TMEM237: variants seen among roughly 807,000 people sequenced by gnomAD.
The protein encoded by TMEM237 is transmembrane protein 237.
Under a neutral mutation model 59.1 loss-of-function variants are expected in TMEM237, and 51 were observed. The observed-to-expected ratio is 0.86, with a 90% CI of 0.69 to 1.09. The LOEUF is 1.09. Ranked by LOEUF, TMEM237 falls within the 50% of genes least tolerant of loss-of-function variation. TMEM237 has a pLI of 0.00. For synonymous variants in TMEM237, 140 were observed against 166.1 expected (o/e 0.84, Z 1.21); for missense variants, 475 against 478.3 (o/e 0.99, Z 0.06).
chr2:201,629,526 A>C (rs1957789987), intron 8 of TMEM237, 105 bp from the exon 9 acceptor site: 2 of 1,350,358 alleles, frequency 1.5e-6, no homozygotes, highest in Admixed American at 6.6e-5. Flanking sequence ...ACATTTCATG[A>C]CAAGTAAAAG....
intron 4 of TMEM237, among the ~76,000 whole-genome samples, chr2:201,637,339 A>G (rs1342992364): frequency 6.6e-6 from 1 of 152,228 alleles, no homozygotes; most frequent in Non-Finnish European, 1.5e-5. Context: ...GTAATTTATA[A>G]GTCTCTTCAT....
intron 5 of TMEM237, chr2:201,636,228 G>C (rs898699304): frequency 5.9e-5 from 9 of 152,238 alleles, no homozygotes; most frequent in African/African-American, 2.2e-4. Context: ...AATCCAGACA[G>C]GCTGTATCTA....
intron 9 of TMEM237, 23 bp downstream of exon 9, chr2:201,629,207 A>C (rs1957786061): frequency 6.8e-7 from 1 of 1,473,398 alleles, no homozygotes; most frequent in African/African-American, 1.4e-5. Context: ...GAAGTTAGAC[A>C]GATCTGGAGT....
Position 201,629,811 on chromosome 2 carries a change from T to C in TMEM237, c.595A>G (p.Thr199Ala). Residue 199 changes from threonine to alanine, a missense_variant, in exon 8 of 13, where the codon ACA (threonine) becomes GCA (alanine). Coordinates refer to ENST00000409883, the MANE Select transcript of TMEM237 (RefSeq NM_001044385.3). ...AADRSELIKT[T>A]ENIDVSMDVK... ...TCCATTGACACATCTATGTTTTCTG[T>C]GGTCTTTATCAACTCTGAACGATCA... is the stretch of plus-strand genomic sequence containing the variant. 6.2e-7 allele frequency: 1 copy of C among 1,613,574 alleles called. No homozygotes were observed. Among genetic ancestry groups the C allele is most frequent in the Non-Finnish European group, 8.5e-7 (1 of 1,179,806 alleles).
At chr2:201,642,499 C>G (rs1687444952) in intron 1 of TMEM237, 2 of 1,296,240 alleles carry the variant, frequency 1.5e-6, no homozygotes, top group Non-Finnish European at 2.1e-6. Flanking sequence ...AAAAGTCCCG[C>G]AAAAATGACG....
chr2:201,623,275 T>C lies in TMEM237; in HGVS notation c.*980A>G, dbSNP rs904935289. 2.4e-6 allele frequency: 1 copy of C among 416,402 alleles called. No individual in the cohort carries two copies. The highest frequency in any genetic ancestry group is 4.9e-6 in the Non-Finnish European group (1 of 206,008). 25.8% of individuals were successfully genotyped at this position (416,402 alleles called of 1,614,324 possible). Reference sequence around the variant, plus strand: ...GAAACATTTTTTCCCATAGCTAGTCTTCTCCTCAACTTGAGCTTTAGGGTC... The same window carrying C: ...GAAACATTTTTTCCCATAGCTAGTCCTCTCCTCAACTTGAGCTTTAGGGTC... On this transcript the variant is annotated 3_prime_UTR_variant, in exon 13 of 13. Coordinates refer to ENST00000409883, the MANE Select transcript of TMEM237 (RefSeq NM_001044385.3).
chr2:201,627,260 A>G, intron 11 of TMEM237, 61 bp downstream of exon 11: 1 of 1,190,276 alleles, frequency 8.4e-7, no homozygotes, highest in Non-Finnish European at 1.2e-6. Flanking sequence ...AAAGAATGGA[A>G]GGATAAGAAA....
intron 12 of TMEM237, 77 bp downstream of exon 12, chr2:201,625,949 T>C (rs1182959482): frequency 2.2e-6 from 3 of 1,362,964 alleles, no homozygotes; most frequent in Admixed American, 4.6e-5. Flanking sequence ...TTATAAGCTA[T>C]ACCTATTAAA....
chr2:201,628,124 C>T lies in TMEM237; in HGVS notation c.895G>A (p.Ala299Thr). ...DRIDFAKISV[A>T]IRNFLALDPT... ...TCCAGGGCCAAAAAATTTCGGATTG[C>T]TACTGATATTTTAGCAAAGTCAATC... The change falls in exon 10 of 13, where the codon GCA becomes ACA. Residue 299 changes from alanine (A) to threonine (T), a missense_variant. By Grantham distance (58) the Ala-to-Thr change is moderately conservative (BLOSUM62 0). Transcript: ENST00000409883. 1.9e-6 allele frequency: 3 copies of T among 1,606,728 alleles called. No homozygotes were observed. Among genetic ancestry groups the T allele is most frequent in the Non-Finnish European group, 2.6e-6 (3 of 1,176,424 alleles).
Position 201,629,747 on chromosome 2 carries a change from G to A in TMEM237, c.659C>T (p.Thr220Ile). Reference protein sequence around the residue: ...PSWTTRDVALTVHRAFRMIGL... With the variant: ...PSWTTRDVALIVHRAFRMIGL... The stretch of plus-strand genomic sequence containing the variant: ...CAGCCACCTGAAAGCCCGGTGCACT[G>A]TAAGTGCCACATCTCTGGTGGTCCA... Residue 220 changes from threonine to isoleucine, a missense_variant, in exon 8 of 13, where the codon ACA (threonine) becomes ATA (isoleucine). Coordinates refer to ENST00000409883, the MANE Select transcript of TMEM237 (RefSeq NM_001044385.3). 6.2e-7 allele frequency: 1 copy of A among 1,612,232 alleles called. No individual in the cohort carries two copies. Among genetic ancestry groups the A allele is most frequent in the Non-Finnish European group, 8.5e-7 (1 of 1,179,492 alleles).
chr2:201,625,522 G>C (rs1208827474), intron 12 of TMEM237, among the ~76,000 whole-genome samples: 1 of 152,134 alleles, frequency 6.6e-6, no homozygotes, highest in African/African-American at 2.4e-5. Context: ...GTTCCAAAAG[G>C]GGTCTGGGGA....
At position 201,623,068 on chromosome 2, in the gene TMEM237, C is replaced by G. The variant is rs1257739736; in HGVS notation, c.*1187G>C. The G allele has an allele frequency of 5.8e-6, 1 of 171,856 alleles. No homozygotes were observed. The highest frequency in any genetic ancestry group is 1.5e-4 in the East Asian group (1 of 6,550). The allele number at this position is 171,856 out of a possible 1,614,324, so 10.6% of individuals were successfully genotyped here. Reference sequence around the variant, plus strand: ...GACAGCAGGGAGAATCCCTTTTCGGCAGCTCCAGCCTTACAAACAGCAAAA... The same window carrying G: ...GACAGCAGGGAGAATCCCTTTTCGGGAGCTCCAGCCTTACAAACAGCAAAA... On this transcript the variant is annotated 3_prime_UTR_variant, in exon 13 of 13. Coordinates refer to ENST00000409883, the MANE Select transcript of TMEM237 (RefSeq NM_001044385.3).
chr2:201,642,892 A>G lies in TMEM237; in HGVS notation c.42+467T>C, dbSNP rs530162240. On this transcript the variant is annotated intron_variant, in intron 1 of 12. Transcript: ENST00000409883. ...GAAATCTGGCGACCGTGGCGCTGCA[A>G]TCACAGCTTTCCCGTGGTTTCCTAA... 5.2e-6 allele frequency: 7 copies of G among 1,340,372 alleles called. No individual in the cohort carries two copies. In the African/African-American group the frequency reaches 6.2e-5, roughly 12 times the overall value. 83.0% of individuals were successfully genotyped at this position (1,340,372 alleles called of 1,614,324 possible). A position where few individuals can be genotyped will look rare whatever the true frequency, so the allele number is the denominator to read the frequency against.
In TMEM237 at chr2:201,643,274, G is replaced by GGCCCCCCCCCCC; in HGVS notation, c.42+84_42+85insGGGGGGGGGGGC. ...CCTTAGTGATTCCCAGCTCGTTGGC[G>GGCCCCCCCCCCC]CCCCCCCACACACACCCACCCCCAC... is the stretch of plus-strand genomic sequence containing the variant. On this transcript the variant is annotated intron_variant, in intron 1 of 12. Transcript: ENST00000409883. The surrounding 1 kb of genome is among the most constrained non-coding windows in gnomAD (Gnocchi z 4.3). The GGCCCCCCCCCCC allele has an allele frequency of 8.3e-7, 1 of 1,206,752 alleles. No homozygotes were observed. The highest frequency in any genetic ancestry group is 2.8e-5 in the East Asian group (1 of 35,372). 74.8% of individuals were successfully genotyped at this position (1,206,752 alleles called of 1,614,324 possible). A position where few individuals can be genotyped will look rare whatever the true frequency, so the allele number is the denominator to read the frequency against.
chr2:201,631,783 GA>G, intron 7 of TMEM237, among the ~76,000 whole-genome samples: 1 of 152,086 alleles, frequency 6.6e-6, no homozygotes, highest in Non-Finnish European at 1.5e-5. Flanking sequence ...TCCATAAAAT[GA>G]AAAATTCTCC....
In TMEM237 at chr2:201,632,142, A is replaced by G. The variant is rs1378105476; in HGVS notation, c.462T>C (p.Thr154=). The change falls in exon 7 of 13, where the codon ACT becomes ACC. Residue 154 remains threonine, a synonymous_variant. Transcript: ENST00000409883. The stretch of plus-strand genomic sequence containing the variant: ...GCTGTTCCACAGTAGTTTGCTCATC[A>G]GTGATTATGTCTTCATCTTCTACTC... The part of the protein sequence containing the change: ...ELGVEDEDII[T]DEQTTVEQQS... 1 of 1,613,848 alleles carries G rather than the reference A, an allele frequency of 6.2e-7. No homozygotes were observed. The highest frequency in any genetic ancestry group is 1.3e-5 in the African/African-American group (1 of 74,930).
chr2:201,629,422 C>A lies in TMEM237; in HGVS notation c.678-1G>T. The A allele has an allele frequency of 6.4e-7, 1 of 1,552,900 alleles. No homozygotes were observed. Among genetic ancestry groups the A allele is most frequent in the Non-Finnish European group, 8.6e-7 (1 of 1,157,480 alleles). On this transcript the variant is annotated splice_acceptor_variant, in intron 8 of 12. Transcript: ENST00000409883. LOFTEE classifies it high-confidence loss of function. ...TCCATGAGAAAAGAGACCAATCATC[C>A]TGAATGGAAAAGGGTTTGATTATTA...
chr2:201,631,954 T>C, intron 7 of TMEM237, 97 bp downstream of exon 7: 2 of 1,331,234 alleles, frequency 1.5e-6, no homozygotes, highest in Non-Finnish European at 2.1e-6. Context: ...TTGTACACAG[T>C]TTTGCTTAAT....
chr2:201,639,488 A>G (rs943578097), intron 3 of TMEM237, among the ~76,000 whole-genome samples: 7 of 152,174 alleles, frequency 4.6e-5, no homozygotes, highest in African/African-American at 1.7e-4. Context: ...TGGTGGGACC[A>G]CAGCACAGAA....
Sources: gnomAD v4.1 joint callset for allele counts (sites outside exome capture counted in the v4.1 genomes callset) on GRCh38, gnomAD v4.1.1 for gene constraint, Gnocchi (gnomAD v3.1) non-coding constraint, MANE v1.5 for transcripts, NCBI Gene and HGNC (gene_info 2026-07-23, HGNC 2026-07-21) for gene names.